SIAH2: variants seen among roughly 807,000 people sequenced by gnomAD.
The protein encoded by SIAH2 is E3 ubiquitin-protein ligase SIAH2.
SIAH2 carries 4 observed loss-of-function variants against 20.4 expected under a neutral mutation model. The observed-to-expected ratio is 0.20, with a 90% CI of 0.10 to 0.45. The LOEUF (loss-of-function observed/expected upper bound fraction) is 0.45. SIAH2 is among the 20% of genes least tolerant of loss of function. SIAH2 has a pLI of 0.99. For missense variants in SIAH2, 259 were observed against 440.3 expected (o/e 0.59, Z 3.69); for synonymous variants, 171 against 192.5 (o/e 0.89, Z 0.93).
At position 150,741,333 on chromosome 3, in the gene SIAH2, C is replaced by G. The variant is rs757103900; in HGVS notation, c.*808G>C. On this transcript the variant is annotated 3_prime_UTR_variant, in exon 2 of 2. Coordinates refer to ENST00000312960, the MANE Select transcript of SIAH2 (RefSeq NM_005067.7). ...TCATCTGTACTAGTGGTGAGCAAAA[C>G]TAATTACATGAGAACTATCAATGGC... is the stretch of plus-strand genomic sequence containing the variant. 6.6e-6 allele frequency: 1 copy of G among 152,616 alleles called. No individual in the cohort carries two copies. The highest frequency in any genetic ancestry group is 1.5e-5 in the Non-Finnish European group (1 of 68,046). The allele number at this position is 152,616 out of a possible 1,614,324, so 9.5% of individuals were successfully genotyped here.
intron 1 of SIAH2, among the ~76,000 whole-genome samples, chr3:150,753,660 G>A (rs891854159): frequency 2.0e-5 from 3 of 152,128 alleles, no homozygotes; most frequent in African/African-American, 7.2e-5. Context: ...CAAGCCTGAT[G>A]GTGTGTGCCT....
At chr3:150,750,782 T>G (rs1714340427) in intron 1 of SIAH2, among the ~76,000 whole-genome samples, 1 of 152,190 alleles carries the variant, frequency 6.6e-6, no homozygotes, top group African/African-American at 2.4e-5. Flanking sequence ...CAGTTGTCCT[T>G]TTGATGGCTG....
Position 150,741,980 on chromosome 3 carries a change from C to T in SIAH2, c.*161G>A. 1 of 685,794 alleles carries T rather than the reference C, an allele frequency of 1.5e-6. No homozygotes were observed. Among genetic ancestry groups the T allele is most frequent in the Non-Finnish European group, 2.5e-6 (1 of 405,742 alleles). 42.5% of individuals were successfully genotyped at this position (685,794 alleles called of 1,614,324 possible). A position where few individuals can be genotyped will look rare whatever the true frequency, so the allele number is the denominator to read the frequency against. The stretch of plus-strand genomic sequence containing the variant: ...ACCCCATTCATCCCAGGTTAATGAA[C>T]TTTGTTGGGTCGAAGCCAGATGGGA... On this transcript the variant is annotated 3_prime_UTR_variant, in exon 2 of 2. Transcript: ENST00000312960.
chr3:150,754,979 T>C (rs538674108), intron 1 of SIAH2, among the ~76,000 whole-genome samples: 2 of 152,290 alleles, frequency 1.3e-5, no homozygotes, highest in South Asian at 4.1e-4. Flanking sequence ...TTCAAGTTTA[T>C]GCATGAACCT....
rs528651883 is a variant in SIAH2 at position 150,752,474 on chromosome 3, T to C, written c.418-9776A>G. 4.5e-4 allele frequency among the ~76,000 whole-genome samples: 69 copies of C among 152,272 alleles called. 1 individual carries two copies. The highest frequency in any genetic ancestry group is 3.4e-3 in the Middle Eastern group (1 of 294). ...AAATACAAAAATTATCCGGGCGTGATGGCATGAGCCTGAAATGCCAGCTAA... is the reference window on the plus strand; with the variant it reads ...AAATACAAAAATTATCCGGGCGTGACGGCATGAGCCTGAAATGCCAGCTAA... On this transcript the variant is annotated intron_variant, in intron 1 of 1. Coordinates refer to ENST00000312960, the MANE Select transcript of SIAH2 (RefSeq NM_005067.7).
At position 150,762,301 on chromosome 3, in the gene SIAH2, A is replaced by C. The variant is rs1394840192; in HGVS notation, c.417+132T>G. 14 of 1,464,614 alleles carry C rather than the reference A, an allele frequency of 9.6e-6. No individual in the cohort carries two copies. Among genetic ancestry groups the C allele is most frequent in the Non-Finnish European group, 1.3e-5 (14 of 1,115,202 alleles). The allele number at this position is 1,464,614 out of a possible 1,614,324, so 90.7% of individuals were successfully genotyped here. A position where few individuals can be genotyped will look rare whatever the true frequency, so the allele number is the denominator to read the frequency against. On this transcript the variant is annotated intron_variant, in intron 1 of 1. Coordinates refer to ENST00000312960, the MANE Select transcript of SIAH2 (RefSeq NM_005067.7). This position sits in a 1 kb window ranked among gnomAD's most constrained non-coding sequence, Gnocchi z 6.6. ...AGTGGGCTTGAGGGAGGGTGGACGA[A>C]GTGTAAACATTTTTTCTTTTTTTTT...
In SIAH2 at chr3:150,762,273, CA is replaced by C; in HGVS notation, c.417+159del. 1 of 1,409,378 alleles carries C rather than the reference CA, an allele frequency of 7.1e-7. No homozygotes were observed. The allele number at this position is 1,409,378 out of a possible 1,614,324, so 87.3% of individuals were successfully genotyped here. A position where few individuals can be genotyped will look rare whatever the true frequency, so the allele number is the denominator to read the frequency against. On this transcript the variant is annotated intron_variant, in intron 1 of 1. Coordinates refer to ENST00000312960, the MANE Select transcript of SIAH2 (RefSeq NM_005067.7). This position sits in a 1 kb window ranked among gnomAD's most constrained non-coding sequence, Gnocchi z 6.6. ...GTAAATGTCAACCCAGACCTACACC[CA>C]AAGTGGGCTTGAGGGAGGGTGGACG... is the stretch of plus-strand genomic sequence containing the variant.
chr3:150,762,317 C>CTTTCTT lies in SIAH2; in HGVS notation c.417+115_417+116insAAGAAA, dbSNP rs1440946207. The CTTTCTT allele has an allele frequency of 2.6e-6, 3 of 1,160,878 alleles. No homozygotes were observed. The highest frequency in any genetic ancestry group is 3.3e-5 in the East Asian group (1 of 30,710). 71.9% of individuals were successfully genotyped at this position (1,160,878 alleles called of 1,614,324 possible). ...GGTGGACGAAGTGTAAACATTTTTT[C>CTTTCTT]TTTTTTTTTTTTAAATGAGAGATGC... On this transcript the variant is annotated intron_variant, in intron 1 of 1. Coordinates refer to ENST00000312960, the MANE Select transcript of SIAH2 (RefSeq NM_005067.7). This position sits in a 1 kb window ranked among gnomAD's most constrained non-coding sequence, Gnocchi z 6.6.
Position 150,762,503 on chromosome 3 carries a change from C to A in SIAH2, c.347G>T (p.Gly116Val), listed in dbSNP as rs960853647. 10 of 1,613,516 alleles carry A rather than the reference C, an allele frequency of 6.2e-6. No homozygotes were observed. Among genetic ancestry groups the A allele is most frequent in the South Asian group, 1.1e-5 (1 of 91,074 alleles). ...QKLSCCPTCR[G>V]ALTPSIRNLA... The stretch of plus-strand genomic sequence containing the variant: ...GTTCCTGATGCTGGGCGTCAGGGCG[C>A]CCCTGCACGTCGGGCAGCAGCTCAA... Residue 116 changes from glycine to valine, a missense_variant, in exon 1 of 2, where the codon GGC becomes GTC. Around this residue, in one of 2 missense-constraint regions of SIAH2, gnomAD observed 160 missense variants for 327.6 expected, o/e 0.49. Transcript: ENST00000312960. This position sits in a 1 kb window ranked among gnomAD's most constrained non-coding sequence, Gnocchi z 6.6.
At chr3:150,746,278 C>A (rs932620599) in intron 1 of SIAH2, among the ~76,000 whole-genome samples, 27 of 152,170 alleles carry the variant, frequency 1.8e-4, no homozygotes, top group African/African-American at 6.0e-4. Context: ...CACCTGTAAT[C>A]CCAGCTACTA....
chr3:150,761,278 G>T (rs115045536), intron 1 of SIAH2, among the ~76,000 whole-genome samples: 282 of 152,336 alleles, frequency 1.9e-3, no homozygotes, highest in African/African-American at 6.2e-3. Flanking sequence ...TGACTTTACA[G>T]TATACTTCTA....
At chr3:150,750,745 T>C (rs1375772921) in intron 1 of SIAH2, among the ~76,000 whole-genome samples, 1 of 152,148 alleles carries the variant, frequency 6.6e-6, no homozygotes, top group East Asian at 1.9e-4. Context: ...CTTTCTGAGA[T>C]CTTACCTAGA....
chr3:150,761,636 A>ACTC, intron 1 of SIAH2, among the ~76,000 whole-genome samples: 1 of 152,138 alleles, frequency 6.6e-6, no homozygotes, highest in South Asian at 2.1e-4. Context: ...GTGGGAAAGG[A>ACTC]GGGGAGAGAT....
intron 1 of SIAH2, among the ~76,000 whole-genome samples, chr3:150,755,731 G>A (rs1453551532): frequency 3.3e-5 from 5 of 151,822 alleles, no homozygotes; most frequent in African/African-American, 1.2e-4. Flanking sequence ...TGGTCAGGCT[G>A]GTCTCGAACT....
intron 1 of SIAH2, among the ~76,000 whole-genome samples, chr3:150,752,333 G>A (rs1003317119): frequency 6.6e-6 from 1 of 152,236 alleles, no homozygotes; most frequent in Non-Finnish European, 1.5e-5. Flanking sequence ...AATAGGCCAG[G>A]TGCAGTGGCT....
chr3:150,741,950 G>C lies in SIAH2; in HGVS notation c.*191C>G. On this transcript the variant is annotated 3_prime_UTR_variant, in exon 2 of 2. Coordinates refer to ENST00000312960, the MANE Select transcript of SIAH2 (RefSeq NM_005067.7). Reference sequence around the variant, plus strand: ...CAGAACAGCATCCAAATCACCAACAGGCCAACCCCATTCATCCCAGGTTAA... The same window carrying C: ...CAGAACAGCATCCAAATCACCAACACGCCAACCCCATTCATCCCAGGTTAA... The C allele has an allele frequency of 1.6e-6, 1 of 607,170 alleles. No individual in the cohort carries two copies. Among genetic ancestry groups the C allele is most frequent in the African/African-American group, 1.9e-5 (1 of 53,810 alleles). The allele number at this position is 607,170 out of a possible 1,614,324, so 37.6% of individuals were successfully genotyped here.
intron 1 of SIAH2, among the ~76,000 whole-genome samples, chr3:150,754,621 C>T (rs1423966408): frequency 6.6e-6 from 1 of 152,040 alleles, no homozygotes; most frequent in Non-Finnish European, 1.5e-5. Context: ...AATAAGTTTG[C>T]AAGGATGTAT....
chr3:150,752,418 G>C (rs1714391487), intron 1 of SIAH2, among the ~76,000 whole-genome samples: 1 of 152,192 alleles, frequency 6.6e-6, no homozygotes, highest in South Asian at 2.1e-4. Context: ...AGAACAGTCT[G>C]GCCAACATGG....
intron 1 of SIAH2, among the ~76,000 whole-genome samples, chr3:150,753,569 G>A (rs898398014): frequency 1.4e-4 from 21 of 152,276 alleles, no homozygotes; most frequent in African/African-American, 5.1e-4. Context: ...AGCTGAAGCC[G>A]AATCACTTGA....
Sources: gnomAD v4.1 joint callset for allele counts (sites outside exome capture counted in the v4.1 genomes callset) on GRCh38, gnomAD v4.1.1 for gene constraint, gnomAD v4.1.1 regional missense constraint, Gnocchi (gnomAD v3.1) non-coding constraint, MANE v1.5 for transcripts, NCBI Gene and HGNC (gene_info 2026-07-23, HGNC 2026-07-21) for gene names.